SLC39A11: variants seen among roughly 807,000 people sequenced by gnomAD.
SLC39A11 encodes solute carrier family 39 member 11.
A neutral mutation model predicts 36.1 loss-of-function variants in SLC39A11; 33 were observed. The observed-to-expected ratio is 0.91, with a 90% CI of 0.69 to 1.22. The LOEUF (loss-of-function observed/expected upper bound fraction) is 1.22. SLC39A11 is among the 50% of genes most tolerant of loss of function. The pLI is 0.00. For missense variants in SLC39A11, 432 were observed against 430.3 expected (o/e 1.00, Z -0.03); for synonymous variants, 166 against 170.3 (o/e 0.97, Z 0.20).
chr17:72,737,285 A>T (rs547683255), intron 6 of SLC39A11, among the ~76,000 whole-genome samples: 30 of 152,054 alleles, frequency 2.0e-4, no homozygotes, highest in African/African-American at 6.0e-4. Context: ...CAAAAAAAAA[A>T]AAATAAAAAT....
chr17:72,671,823 G>C (rs561245752), intron 7 of SLC39A11, among the ~76,000 whole-genome samples: 1 of 152,172 alleles, frequency 6.6e-6, no homozygotes, highest in Non-Finnish European at 1.5e-5. Context: ...TTAAAAAGCT[G>C]CATTAATAGA....
intron 7 of SLC39A11, among the ~76,000 whole-genome samples, chr17:72,661,781 T>C (rs1388889763): frequency 6.6e-6 from 1 of 152,126 alleles, no homozygotes; most frequent in Non-Finnish European, 1.5e-5. Context: ...TGGTGCAGGC[T>C]GGCGAGATGA....
chr17:72,901,293 GA>G (rs2082384017), intron 5 of SLC39A11, among the ~76,000 whole-genome samples: 1 of 152,344 alleles, frequency 6.6e-6, no homozygotes, highest in East Asian at 1.9e-4. Context: ...GGCCCCTGCT[GA>G]GGCGAAGGCC....
intron 6 of SLC39A11, among the ~76,000 whole-genome samples, chr17:72,762,306 C>A (rs1419219853): frequency 2.0e-5 from 3 of 152,208 alleles, no homozygotes; most frequent in Non-Finnish European, 2.9e-5. Flanking sequence ...ACGAGAGTGA[C>A]CTTTGGTCGT....
At chr17:72,876,453 G>A (rs376260993) in intron 5 of SLC39A11, among the ~76,000 whole-genome samples, 2 of 152,322 alleles carry the variant, frequency 1.3e-5, no homozygotes, top group East Asian at 3.9e-4. Flanking sequence ...CCTAATTGTT[G>A]CATGAAACTG....
chr17:72,837,553 T>G (rs751915605), intron 6 of SLC39A11, among the ~76,000 whole-genome samples: 7 of 152,160 alleles, frequency 4.6e-5, no homozygotes, highest in Non-Finnish European at 7.3e-5. Flanking sequence ...CTCCAAGGTA[T>G]GTACCCAAGA....
At chr17:72,908,537 C>T (rs2082787059) in intron 5 of SLC39A11, among the ~76,000 whole-genome samples, 1 of 152,174 alleles carries the variant, frequency 6.6e-6, no homozygotes, top group South Asian at 2.1e-4. Flanking sequence ...CAGAGAGCCC[C>T]GGCTTGCCAG....
intron 4 of SLC39A11, among the ~76,000 whole-genome samples, chr17:73,005,633 A>C (rs1226668504): frequency 6.6e-6 from 1 of 151,986 alleles, no homozygotes; most frequent in Non-Finnish European, 1.5e-5. Context: ...CCATCTCAAC[A>C]CGTGAGTCTG....
chr17:72,675,182 G>A (rs1460736161), intron 7 of SLC39A11, among the ~76,000 whole-genome samples: 2 of 152,186 alleles, frequency 1.3e-5, no homozygotes, highest in Non-Finnish European at 1.5e-5. Flanking sequence ...AATCACGATT[G>A]TGATGGTATT....
intron 4 of SLC39A11, among the ~76,000 whole-genome samples, chr17:72,967,393 A>AGAGAGAGAGAGG (rs1015103415): frequency 6.9e-6 from 1 of 144,088 alleles, no homozygotes; most frequent in Admixed American, 6.8e-5. Flanking sequence ...AGAGAGAGAG[A>AGAGAGAGAGAGG]GAGAGAGTGT....
intron 5 of SLC39A11, among the ~76,000 whole-genome samples, chr17:72,882,300 G>A (rs1358791670): frequency 6.6e-6 from 1 of 150,432 alleles, no homozygotes; most frequent in Non-Finnish European, 1.5e-5. Context: ...AGGTTGCAGT[G>A]AGCCAAGATC....
intron 7 of SLC39A11, among the ~76,000 whole-genome samples, chr17:72,677,858 G>T (rs2071340912): frequency 6.6e-6 from 1 of 152,200 alleles, no homozygotes; most frequent in Admixed American, 6.5e-5. Context: ...ACACAATGCG[G>T]GAGGGAGAGA....
intron 6 of SLC39A11, among the ~76,000 whole-genome samples, chr17:72,793,226 C>T (rs1341541548): frequency 1.3e-5 from 2 of 152,074 alleles, no homozygotes; most frequent in African/African-American, 4.8e-5. Context: ...TATTGTACAC[C>T]CTGAGACAGA....
intron 5 of SLC39A11, among the ~76,000 whole-genome samples, chr17:72,888,357 G>C (rs2081542609): frequency 6.6e-6 from 1 of 152,132 alleles, no homozygotes; most frequent in Admixed American, 6.6e-5. Context: ...TTTCAATCCA[G>C]GAACCTTCAT....
chr17:72,680,273 CTA>C (rs1335821287), intron 7 of SLC39A11, among the ~76,000 whole-genome samples: 1 of 152,140 alleles, frequency 6.6e-6, no homozygotes, highest in Non-Finnish European at 1.5e-5. Context: ...CTCCTGGCAA[CTA>C]TGACTCTGCT....
chr17:72,811,389 T>C (rs369925290), intron 6 of SLC39A11, among the ~76,000 whole-genome samples: 22 of 152,298 alleles, frequency 1.4e-4, no homozygotes, highest in African/African-American at 3.1e-4. Context: ...CTGGGTATTT[T>C]GGGGGTACAA....
chr17:73,025,622 C>T (rs2058508314), intron 4 of SLC39A11, among the ~76,000 whole-genome samples: 2 of 152,034 alleles, frequency 1.3e-5, no homozygotes, highest in South Asian at 2.1e-4. Context: ...CAGACTGATT[C>T]CAACTGTGTA....
chr17:72,851,790 T>C (rs560392975), intron 5 of SLC39A11, among the ~76,000 whole-genome samples: 16 of 152,308 alleles, frequency 1.1e-4, no homozygotes, highest in African/African-American at 3.8e-4. Context: ...ATTTCCTGCT[T>C]GAATTTCAAA....
intron 2 of SLC39A11, among the ~76,000 whole-genome samples, chr17:73,088,300 AAAAAGAAAAAAG>A (rs1568256182): frequency 2.0e-5 from 3 of 149,084 alleles, no homozygotes; most frequent in African/African-American, 7.6e-5. Flanking sequence ...TCTCAAAAAA[AAAAAGAAAAAAG>A]AAAAAAGAAA....
Sources: gnomAD v4.1 joint callset for allele counts (sites outside exome capture counted in the v4.1 genomes callset) on GRCh38, gnomAD v4.1.1 for gene constraint, MANE v1.5 for transcripts, NCBI Gene and HGNC (gene_info 2026-07-23, HGNC 2026-07-21) for gene names.